STARD13: variants seen among roughly 807,000 people sequenced by gnomAD.
STARD13 encodes stAR-related lipid transfer protein 13.
Under a neutral mutation model 106.4 loss-of-function variants are expected in STARD13, and 62 were observed. That is an observed-to-expected ratio of 0.58 (90% confidence interval 0.48 to 0.72). The LOEUF (loss-of-function observed/expected upper bound fraction) is 0.72, where lower values mean the gene tolerates loss of function less well. STARD13 is among the 30% of genes least tolerant of loss of function. The pLI is 0.00. For missense variants in STARD13, 1,387 were observed against 1,424.0 expected, an observed-to-expected ratio of 0.97 and a Z score of 0.42; for synonymous variants, 565 against 553.0, an observed-to-expected ratio of 1.02 and a Z score of -0.31.
the STARD13 span, among the ~76,000 whole-genome samples, chr13:33,401,236 AT>A: frequency 4.0e-5 from 6 of 151,750 alleles, no homozygotes; most frequent in Admixed American, 2.6e-4. Context: ...TTATTTAAAC[AT>A]TTTTTTTCTG....
At chr13:33,640,923 G>A in the STARD13 span, among the ~76,000 whole-genome samples, 1 of 152,366 alleles carries the variant, frequency 6.6e-6, no homozygotes, top group African/African-American at 2.4e-5. Context: ...ATGAATAGGA[G>A]AAAAGGCATA....
At chr13:33,254,061 C>T (rs1000964251) in intron 1 of STARD13, among the ~76,000 whole-genome samples, 4 of 152,182 alleles carry the variant, frequency 2.6e-5, no homozygotes, top group African/African-American at 7.2e-5. Flanking sequence ...CCCGCTTTGC[C>T]TGGAGTGATC....
chr13:33,488,760 G>T, the STARD13 span, among the ~76,000 whole-genome samples: 2 of 152,162 alleles, frequency 1.3e-5, no homozygotes, highest in Non-Finnish European at 2.9e-5. Flanking sequence ...TATCTTTCAA[G>T]TTCAAATACC....
chr13:33,263,707 C>T (rs1890756178), intron 1 of STARD13, among the ~76,000 whole-genome samples: 1 of 152,182 alleles, frequency 6.6e-6, no homozygotes, highest in Non-Finnish European at 1.5e-5. Context: ...CGAGCACTCT[C>T]TTCATGTTGG....
chr13:33,295,134 C>T (rs1892439057), intron 1 of STARD13, among the ~76,000 whole-genome samples: 1 of 152,140 alleles, frequency 6.6e-6, no homozygotes, highest in South Asian at 2.1e-4. Flanking sequence ...TGGATAAATC[C>T]AGCCCAGTAT....
the STARD13 span, among the ~76,000 whole-genome samples, chr13:33,639,845 G>GC: frequency 6.6e-6 from 1 of 152,160 alleles, no homozygotes; most frequent in Non-Finnish European, 1.5e-5. Context: ...CAATCACATG[G>GC]CCACATGGAG....
At chr13:33,473,502 C>T in the STARD13 span, among the ~76,000 whole-genome samples, 5 of 152,226 alleles carry the variant, frequency 3.3e-5, no homozygotes, top group African/African-American at 4.8e-5. Flanking sequence ...GTATTGTTGC[C>T]GGACTTCAGC....
intron 3 of STARD13, among the ~76,000 whole-genome samples, chr13:33,151,909 G>A (rs1159933206): frequency 6.6e-6 from 1 of 152,208 alleles, no homozygotes; most frequent in Non-Finnish European, 1.5e-5. Context: ...AAGCTGCAGA[G>A]AGGCAGAAAC....
At chr13:33,415,316 T>G in the STARD13 span, among the ~76,000 whole-genome samples, 1 of 151,938 alleles carries the variant, frequency 6.6e-6, no homozygotes, top group Non-Finnish European at 1.5e-5. Flanking sequence ...TGCAGTGAGC[T>G]GAGATTGCGC....
chr13:33,298,286 T>C (rs1352423466), intron 1 of STARD13, among the ~76,000 whole-genome samples: 2 of 146,956 alleles, frequency 1.4e-5, no homozygotes, highest in Non-Finnish European at 3.0e-5. Context: ...TATGCCACCA[T>C]GCTCAGCTAA....
At chr13:33,280,098 A>G (rs919527528) in intron 1 of STARD13, 4 of 152,216 alleles carry the variant, frequency 2.6e-5, no homozygotes, top group Non-Finnish European at 5.9e-5. Flanking sequence ...GTCGGGCAAG[A>G]AAGTACTAAA....
chr13:33,366,935 G>A, the STARD13 span, among the ~76,000 whole-genome samples: 46 of 152,118 alleles, frequency 3.0e-4, no homozygotes, highest in Admixed American at 5.2e-4. The surrounding 1 kb of genome is among the most constrained non-coding windows in gnomAD (Gnocchi z 4.2). Flanking sequence ...CTAACCTTTT[G>A]GATTCAAGCT....
intron 3 of STARD13, among the ~76,000 whole-genome samples, chr13:33,153,405 G>T (rs1330195531): frequency 6.6e-6 from 1 of 152,184 alleles, no homozygotes; most frequent in Non-Finnish European, 1.5e-5. Context: ...CCCAGGGCCT[G>T]GGAGGATGGC....
the STARD13 span, among the ~76,000 whole-genome samples, chr13:33,650,164 A>ATTT: frequency 1.1e-3 from 51 of 48,374 alleles, 17 homozygotes; most frequent in African/African-American, 1.6e-3. Context: ...CGTGACTCCA[A>ATTT]TTTTTTTTTT....
intron 1 of STARD13, among the ~76,000 whole-genome samples, chr13:33,192,410 T>C (rs1469858755): frequency 1.3e-5 from 2 of 152,238 alleles, no homozygotes; most frequent in South Asian, 2.1e-4. Context: ...TGCCCTGATA[T>C]AAGTTGTACG....
chr13:33,587,232 A>AT, the STARD13 span, among the ~76,000 whole-genome samples: 10,009 of 151,250 alleles, frequency 0.066, 372 homozygotes, highest in East Asian at 0.091. Context: ...AAAAAAAAAA[A>AT]ATTCTCTTAG....
chr13:33,125,290 C>A (rs990336476), intron 7 of STARD13, among the ~76,000 whole-genome samples: 1 of 152,192 alleles, frequency 6.6e-6, no homozygotes. Context: ...GAATAGCTGC[C>A]TGGAAATATA....
At chr13:33,364,687 G>A in the STARD13 span, among the ~76,000 whole-genome samples, 5 of 152,204 alleles carry the variant, frequency 3.3e-5, no homozygotes, top group East Asian at 1.9e-4. Flanking sequence ...CAGGAGATCG[G>A]GACCATCCTG....
At chr13:33,119,283 C>T (rs528238593) in intron 7 of STARD13, among the ~76,000 whole-genome samples, 26 of 152,248 alleles carry the variant, frequency 1.7e-4, no homozygotes, top group Admixed American at 3.9e-4. Flanking sequence ...TGCTTCAACC[C>T]TCAATTTTCA....
Sources: gnomAD v4.1 joint callset for allele counts (sites outside exome capture counted in the v4.1 genomes callset) on GRCh38, gnomAD v4.1.1 for gene constraint, Gnocchi (gnomAD v3.1) non-coding constraint, MANE v1.5 for transcripts, NCBI Gene and HGNC (gene_info 2026-07-23, HGNC 2026-07-21) for gene names.